ADAM10: variants seen among roughly 807,000 people sequenced by gnomAD.
ADAM10 encodes ADAM metallopeptidase domain 10, also known as disintegrin and metalloproteinase domain-containing protein 10.
ADAM10 carries 17 observed loss-of-function variants against 90.1 expected under a neutral mutation model. The ratio of observed to expected loss-of-function variants is 0.19; its 90% CI spans 0.13 to 0.28. The LOEUF (loss-of-function observed/expected upper bound fraction) is 0.28. Among genes scored for constraint, ADAM10 ranks in the 10% least tolerant of loss-of-function variants. The pLI is 1.00. For synonymous variants in ADAM10, 310 were observed against 298.6 expected, an observed-to-expected ratio of 1.04 and a Z score of -0.40; for missense variants, 610 against 914.3, an observed-to-expected ratio of 0.67 and a Z score of 4.29.
At chr15:58,645,113 TAAACATA>T (rs1418993037) in intron 6 of ADAM10, among the ~76,000 whole-genome samples, 9 of 152,168 alleles carry the variant, frequency 5.9e-5, no homozygotes, top group African/African-American at 1.7e-4. Context: ...TGTAAAAACA[TAAACATA>T]AAACATAAAA....
chr15:58,734,093 A>G (rs1335554906), intron 1 of ADAM10, among the ~76,000 whole-genome samples: 2 of 152,150 alleles, frequency 1.3e-5, no homozygotes, highest in African/African-American at 4.8e-5. Context: ...ATCCTATTTT[A>G]TTTTTAAAAG....
At chr15:58,632,965 A>T (rs534467506) in intron 9 of ADAM10, among the ~76,000 whole-genome samples, 1 of 152,328 alleles carries the variant, frequency 6.6e-6, no homozygotes, top group South Asian at 2.1e-4. Context: ...AAGCCAGATG[A>T]AATCCCTTGC....
At chr15:58,712,368 A>G (rs1370440591) in intron 2 of ADAM10, among the ~76,000 whole-genome samples, 1 of 151,780 alleles carries the variant, frequency 6.6e-6, no homozygotes, top group African/African-American at 2.4e-5. Context: ...AAAAAAAAAT[A>G]TGAAAATTAG....
At chr15:58,702,139 T>C (rs1262696677) in intron 2 of ADAM10, among the ~76,000 whole-genome samples, 1 of 152,006 alleles carries the variant, frequency 6.6e-6, no homozygotes, top group African/African-American at 2.4e-5. Flanking sequence ...ATCTTATCAT[T>C]TGCAGCAATA....
intron 2 of ADAM10, among the ~76,000 whole-genome samples, chr15:58,690,230 G>C (rs909761766): frequency 2.0e-5 from 3 of 152,044 alleles, no homozygotes; most frequent in Non-Finnish European, 2.9e-5. Context: ...GAAGAGACAG[G>C]AACTTCCTTA....
chr15:58,605,186 A>G (rs977599287), intron 14 of ADAM10, among the ~76,000 whole-genome samples: 1 of 152,242 alleles, frequency 6.6e-6, no homozygotes, highest in Admixed American at 6.5e-5. Flanking sequence ...CAACAGATGT[A>G]TAATAAAATA....
intron 5 of ADAM10, among the ~76,000 whole-genome samples, chr15:58,647,687 A>G (rs1210943724): frequency 6.6e-6 from 1 of 151,986 alleles, no homozygotes; most frequent in Non-Finnish European, 1.5e-5. Context: ...TAGCTGGGGG[A>G]CTACAAGCAT....
At chr15:58,741,152 G>A (rs886162964) in intron 1 of ADAM10, among the ~76,000 whole-genome samples, 2 of 152,094 alleles carry the variant, frequency 1.3e-5, no homozygotes, top group African/African-American at 4.8e-5. Flanking sequence ...ATCAATACAA[G>A]CAAAAACAGA....
intron 2 of ADAM10, among the ~76,000 whole-genome samples, chr15:58,694,784 T>C (rs1897930072): frequency 6.6e-6 from 1 of 151,932 alleles, no homozygotes; most frequent in East Asian, 1.9e-4. Context: ...ACACGCACTT[T>C]TGTTAAGACA....
intron 14 of ADAM10, among the ~76,000 whole-genome samples, chr15:58,601,890 T>G (rs1301050186): frequency 1.3e-5 from 2 of 152,242 alleles, no homozygotes; most frequent in African/African-American, 4.8e-5. Flanking sequence ...AGGTCACACA[T>G]CTTTGGTAAG....
chr15:58,620,115 T>C (rs187009451), intron 11 of ADAM10, among the ~76,000 whole-genome samples: 1 of 152,060 alleles, frequency 6.6e-6, no homozygotes, highest in African/African-American at 2.4e-5. Flanking sequence ...AATTTATCGC[T>C]TTCTCTCCCA....
intron 7 of ADAM10, among the ~76,000 whole-genome samples, chr15:58,642,957 T>C (rs1362265498): frequency 6.6e-6 from 1 of 152,192 alleles, no homozygotes; most frequent in Non-Finnish European, 1.5e-5. Context: ...TGGCTGAATG[T>C]ATATACTAAA....
Position 58,631,535 on chromosome 15 carries a change from G to A in ADAM10, c.1176+1661C>T, listed in dbSNP as rs189432241. Among the ~76,000 whole-genome samples, 9 of 152,268 alleles carry A rather than the reference G, an allele frequency of 5.9e-5. 1 individual carries two copies. The highest frequency in any genetic ancestry group is 4.6e-4 in the Admixed American group (7 of 15,292). On this transcript the variant is annotated intron_variant, in intron 9 of 15. Coordinates refer to ENST00000260408, the MANE Select transcript of ADAM10 (RefSeq NM_001110.4). ...CCAGCAGCAGCAGCAGCAGCATTATGTGGGAGTATGTTAGAAATACAGAAA... is the reference window on the plus strand; with the variant it reads ...CCAGCAGCAGCAGCAGCAGCATTATATGGGAGTATGTTAGAAATACAGAAA...
intron 5 of ADAM10, chr15:58,655,502 T>C (rs1896785207): frequency 6.6e-6 from 1 of 150,748 alleles, no homozygotes; most frequent in Non-Finnish European, 1.5e-5. Flanking sequence ...CCATGGGGGA[T>C]CTGCCCCCAT....
chr15:58,660,995 G>A (rs1241168614), intron 5 of ADAM10, among the ~76,000 whole-genome samples: 6 of 152,186 alleles, frequency 3.9e-5, no homozygotes, highest in African/African-American at 9.7e-5. Context: ...TGCTGACCCC[G>A]GCTCTACGGT....
At chr15:58,739,233 G>A (rs961166906) in intron 1 of ADAM10, among the ~76,000 whole-genome samples, 7 of 152,128 alleles carry the variant, frequency 4.6e-5, no homozygotes, top group Non-Finnish European at 7.4e-5. Context: ...TGGGCCGGGC[G>A]CGGTGGCTCA....
chr15:58,603,513 G>A (rs1285086639), intron 14 of ADAM10, among the ~76,000 whole-genome samples: 3 of 152,092 alleles, frequency 2.0e-5, no homozygotes, highest in African/African-American at 7.2e-5. Flanking sequence ...GGCAAGTTGG[G>A]TACAGGAGAC....
At chr15:58,682,067 C>T in intron 3 of ADAM10, 129 bp downstream of exon 3, 2 of 1,260,136 alleles carry the variant, frequency 1.6e-6, no homozygotes, top group Non-Finnish European at 2.2e-6. Flanking sequence ...AGACCATTAC[C>T]CTTCATATGA....
At chr15:58,730,873 A>T (rs1267657806) in intron 1 of ADAM10, among the ~76,000 whole-genome samples, 6 of 152,078 alleles carry the variant, frequency 3.9e-5, no homozygotes, top group Non-Finnish European at 7.4e-5. Context: ...GGACATCAGG[A>T]CTCCAGCCTC....
Sources: gnomAD v4.1 joint callset for allele counts (sites outside exome capture counted in the v4.1 genomes callset) on GRCh38, gnomAD v4.1.1 for gene constraint, MANE v1.5 for transcripts, NCBI Gene and HGNC (gene_info 2026-07-23, HGNC 2026-07-21) for gene names.